CADPS2: variants seen among roughly 807,000 people sequenced by gnomAD.
CADPS2 encodes the protein calcium-dependent secretion activator 2.
Under a neutral mutation model 172.5 loss-of-function variants are expected in CADPS2, and 93 were observed. The ratio of observed to expected loss-of-function variants is 0.54; its 90% CI spans 0.46 to 0.64. The LOEUF is 0.64. CADPS2 is among the 30% of genes least tolerant of loss of function. The pLI is 0.00. For missense variants in CADPS2, 1,420 were observed against 1,565.9 expected (o/e 0.91, Z 1.57); for synonymous variants, 546 against 555.2 (o/e 0.98, Z 0.23).
At chr7:122,700,261 C>T (rs1588525481) in intron 2 of CADPS2, among the ~76,000 whole-genome samples, 1 of 152,154 alleles carries the variant, frequency 6.6e-6, no homozygotes, top group Admixed American at 6.5e-5. Context: ...GGTTGGAACT[C>T]ACCAGGACTA....
intron 1 of CADPS2, among the ~76,000 whole-genome samples, chr7:122,782,652 C>T (rs896016521): frequency 6.6e-6 from 1 of 152,144 alleles, no homozygotes; most frequent in Non-Finnish European, 1.5e-5. Flanking sequence ...GTTTTAATTT[C>T]CTTCTTTGCT....
chr7:122,434,888 G>A (rs949140626), intron 17 of CADPS2, among the ~76,000 whole-genome samples: 2 of 152,092 alleles, frequency 1.3e-5, no homozygotes, highest in Non-Finnish European at 2.9e-5. Flanking sequence ...AAAGGAAAAT[G>A]GTCCTCTTTT....
chr7:122,321,608 C>T, intron 29 of CADPS2, among the ~76,000 whole-genome samples: 1 of 152,308 alleles, frequency 6.6e-6, no homozygotes, highest in East Asian at 1.9e-4. Context: ...CCCACCTCAG[C>T]CTCCCGAGTA....
chr7:122,871,466 C>T, intron 1 of CADPS2, among the ~76,000 whole-genome samples: 1 of 151,204 alleles, frequency 6.6e-6, no homozygotes, highest in Non-Finnish European at 1.5e-5. Flanking sequence ...ACAGTATTCC[C>T]CCCCACAAAA....
chr7:122,672,491 C>T (rs1564023569), intron 2 of CADPS2, among the ~76,000 whole-genome samples: 1 of 152,176 alleles, frequency 6.6e-6, no homozygotes, highest in African/African-American at 2.4e-5. Context: ...CTCCTTTAAT[C>T]CTTACAGTCA....
intron 1 of CADPS2, among the ~76,000 whole-genome samples, chr7:122,813,247 T>C (rs1800492862): frequency 6.6e-6 from 1 of 152,146 alleles, no homozygotes; most frequent in African/African-American, 2.4e-5. Context: ...TTTACATATT[T>C]TTCTTCTTTC....
intron 1 of CADPS2, among the ~76,000 whole-genome samples, chr7:122,798,374 T>A (rs6466840): frequency 0.016 from 2,479 of 152,296 alleles, 66 homozygotes; most frequent in African/African-American, 0.056. Context: ...ACAGTCTAAC[T>A]AGGCCATCTA....
At chr7:122,471,223 C>T (rs1333749747) in intron 14 of CADPS2, among the ~76,000 whole-genome samples, 152 bp downstream of exon 14, 1 of 151,574 alleles carries the variant, frequency 6.6e-6, no homozygotes, top group African/African-American at 2.4e-5. Flanking sequence ...CATATTGATG[C>T]ACACTTTTTT....
chr7:122,675,815 G>C (rs931403560), intron 2 of CADPS2, among the ~76,000 whole-genome samples: 1 of 152,158 alleles, frequency 6.6e-6, no homozygotes, highest in African/African-American at 2.4e-5. Flanking sequence ...ACCAGGGCCT[G>C]TTGGGGGCGC....
intron 1 of CADPS2, among the ~76,000 whole-genome samples, chr7:122,817,934 C>T (rs1011620326): frequency 6.6e-6 from 1 of 151,134 alleles, no homozygotes; most frequent in African/African-American, 2.4e-5. Context: ...GTGCCCCAAC[C>T]CCTTATTTCT....
At chr7:122,416,286 ATTAT>A (rs2047905596) in intron 17 of CADPS2, 122 bp from the exon 18 acceptor site, 1 of 452,592 alleles carries the variant, frequency 2.2e-6, no homozygotes, top group Non-Finnish European at 3.8e-6. Context: ...AAATGAATAC[ATTAT>A]TTAGACAAAA....
intron 1 of CADPS2, among the ~76,000 whole-genome samples, chr7:122,799,520 G>A (rs866444529): frequency 9.9e-5 from 15 of 151,032 alleles, no homozygotes; most frequent in Non-Finnish European, 1.5e-4. Context: ...GGAGAATGGC[G>A]TGAACCCCGG....
intron 8 of CADPS2, among the ~76,000 whole-genome samples, chr7:122,538,651 A>T (rs2062592524): frequency 7.0e-6 from 1 of 143,604 alleles, no homozygotes; most frequent in African/African-American, 2.6e-5. Context: ...AGGCCAGTAA[A>T]ACCAATTTTG....
chr7:122,625,755 ATCTC>A (rs143167320), intron 4 of CADPS2, among the ~76,000 whole-genome samples: 21 of 148,950 alleles, frequency 1.4e-4, no homozygotes, highest in South Asian at 2.1e-4. Flanking sequence ...AACGCAATCA[ATCTC>A]TCTCTCTCTC....
At chr7:122,752,940 A>G (rs183945142) in intron 1 of CADPS2, among the ~76,000 whole-genome samples, 2 of 152,310 alleles carry the variant, frequency 1.3e-5, no homozygotes, top group Admixed American at 6.5e-5. Flanking sequence ...AAAGGAAGGA[A>G]ACAAGAAGAA....
At chr7:122,437,479 A>G (rs2151938812) in intron 17 of CADPS2, among the ~76,000 whole-genome samples, 1 of 152,256 alleles carries the variant, frequency 6.6e-6, no homozygotes, top group East Asian at 1.9e-4. Flanking sequence ...TGATTCCTTG[A>G]GTACCATTTT....
At chr7:122,599,462 C>A (rs2072411573) in intron 6 of CADPS2, among the ~76,000 whole-genome samples, 1 of 151,888 alleles carries the variant, frequency 6.6e-6, no homozygotes, top group South Asian at 2.1e-4. Context: ...ATAATAAATG[C>A]CCAAGTCTCT....
intron 6 of CADPS2, among the ~76,000 whole-genome samples, chr7:122,602,221 A>G (rs1451418158): frequency 6.6e-6 from 1 of 151,914 alleles, no homozygotes; most frequent in Non-Finnish European, 1.5e-5. Flanking sequence ...TATTTTTTTC[A>G]TATGGGAATT....
intron 3 of CADPS2, among the ~76,000 whole-genome samples, chr7:122,652,087 T>G (rs945042854): frequency 1.3e-5 from 2 of 152,216 alleles, no homozygotes; most frequent in African/African-American, 4.8e-5. Context: ...CTACTCATTT[T>G]GGAGAACCTC....
Sources: gnomAD v4.1 joint callset for allele counts (sites outside exome capture counted in the v4.1 genomes callset) on GRCh38, gnomAD v4.1.1 for gene constraint, MANE v1.5 for transcripts, NCBI Gene and HGNC (gene_info 2026-07-23, HGNC 2026-07-21) for gene names.